The following ADAM22 variants were observed in gnomAD, a reference collection of about 807,000 sequenced individuals.
ADAM22 encodes disintegrin and metalloproteinase domain-containing protein 22.
ADAM22 carries 65 observed loss-of-function variants against 144.6 expected under a neutral mutation model. That is an observed-to-expected ratio of 0.45 (90% CI 0.37 to 0.55). The LOEUF (loss-of-function observed/expected upper bound fraction) is 0.55. Among genes scored for constraint, ADAM22 ranks in the 20% least tolerant of loss-of-function variants. The pLI, the probability that ADAM22 is intolerant of heterozygous loss-of-function variation, is 0.00. For missense variants in ADAM22, 974 were observed against 1,184.9 expected (o/e 0.82, Z 2.61); for synonymous variants, 391 against 412.6 (o/e 0.95, Z 0.63).
intron 4 of ADAM22, among the ~76,000 whole-genome samples, chr7:88,079,473 C>A (rs1815800999): frequency 6.6e-6 from 1 of 152,300 alleles, no homozygotes; most frequent in African/African-American, 2.4e-5. Flanking sequence ...ATCATAATGA[C>A]AGGATCAAAA....
chr7:88,171,110 A>G (rs1319805846), intron 25 of ADAM22, among the ~76,000 whole-genome samples: 3 of 151,894 alleles, frequency 2.0e-5, no homozygotes, highest in Non-Finnish European at 4.4e-5. Flanking sequence ...AGGAATAACT[A>G]TAGTTTGGGG....
intron 6 of ADAM22, among the ~76,000 whole-genome samples, chr7:88,114,975 A>T (rs1827382464): frequency 6.6e-6 from 1 of 152,178 alleles, no homozygotes. Context: ...ATTTCTTGCC[A>T]GGTGTGGTGG....
chr7:88,163,040 G>A lies in ADAM22; in HGVS notation c.1936G>A (p.Val646Ile). The change falls in exon 23 of 32, where the codon GTA becomes ATA. Residue 646 changes from valine to isoleucine, a missense_variant. Transcript: ENST00000413139. ...SGGHVKLEED[V>I]DLGYVEDGTP... ...TGGGCATGTTAAGCTTGAAGAAGAT[G>A]TAGATCTTGGCTATGTGGAAGATGG... 6.2e-7 allele frequency: 1 copy of A among 1,610,530 alleles called. No homozygotes were observed. Among genetic ancestry groups the A allele is most frequent in the Non-Finnish European group, 8.5e-7 (1 of 1,178,404 alleles).
chr7:88,200,578 ACTT>A lies in ADAM22; in HGVS notation c.*4088_*4090del, dbSNP rs1851121915. On this transcript the variant is annotated 3_prime_UTR_variant, in exon 32 of 32. Coordinates refer to ENST00000413139, the MANE Select transcript of ADAM22 (RefSeq NM_001324418.2). ...GACTGCCATTTGCAGCATCATATCTACTTTTTATGCACCTAATTATATTTTTCC... is the reference window on the plus strand; with the variant it reads ...GACTGCCATTTGCAGCATCATATCTATTTATGCACCTAATTATATTTTTCC... 1.3e-5 allele frequency: 2 copies of A among 152,308 alleles called. No individual in the cohort carries two copies. Among genetic ancestry groups the A allele is most frequent in the South Asian group, 4.1e-4 (2 of 4,832 alleles). 9.4% of individuals were successfully genotyped at this position (152,308 alleles called of 1,614,324 possible).
intron 3 of ADAM22, among the ~76,000 whole-genome samples, chr7:88,068,159 G>A (rs1811768020): frequency 6.6e-6 from 1 of 152,240 alleles, no homozygotes; most frequent in Admixed American, 6.5e-5. Context: ...AGGATCTGGA[G>A]GGTTGGTGCA....
chr7:88,170,618 C>T (rs555505159), intron 25 of ADAM22, among the ~76,000 whole-genome samples: 53 of 151,942 alleles, frequency 3.5e-4, no homozygotes, highest in African/African-American at 7.5e-4. Flanking sequence ...GCACCTTTGC[C>T]GTCATGTGCC....
rs142095226 is a variant in ADAM22, at chr7:88,187,880, C to T, written c.2750+1179C>T. Among the ~76,000 whole-genome samples, 436 of 152,084 alleles carry T rather than the reference C, an allele frequency of 2.9e-3. 1 individual carries two copies. The highest frequency in any genetic ancestry group is 0.01 in the African/African-American group (421 of 41,494). ...TGCATATACCCCAAGGAAAGCGTAA[C>T]TCCTGCCTGCTCACAAAAATATATC... On this transcript the variant is annotated intron_variant, in intron 30 of 31. Transcript: ENST00000413139.
intron 4 of ADAM22, among the ~76,000 whole-genome samples, chr7:88,106,074 A>G (rs546208315): frequency 2.0e-5 from 3 of 151,970 alleles, no homozygotes; most frequent in Admixed American, 6.6e-5. Context: ...CCAATAGCTC[A>G]CATTGTTAAC....
At chr7:88,112,191 C>T (rs765072472) in intron 5 of ADAM22, among the ~76,000 whole-genome samples, 1 of 152,196 alleles carries the variant, frequency 6.6e-6, no homozygotes, top group African/African-American at 2.4e-5. Flanking sequence ...CAAACTGCAT[C>T]TGTTTATGTT....
intron 23 of ADAM22, among the ~76,000 whole-genome samples, chr7:88,165,455 C>T (rs1275145064): frequency 1.3e-5 from 2 of 152,028 alleles, no homozygotes; most frequent in Non-Finnish European, 2.9e-5. Flanking sequence ...TGCATGAAGA[C>T]CCTTACTATG....
intron 3 of ADAM22, among the ~76,000 whole-genome samples, chr7:88,018,284 T>C (rs1796992413): frequency 6.6e-6 from 1 of 152,186 alleles, no homozygotes; most frequent in Non-Finnish European, 1.5e-5. Flanking sequence ...CCGTTCTCTT[T>C]GTTGTTTCAT....
Position 88,132,849 on chromosome 7 carries a change from C to A in ADAM22, c.993-18C>A. The A allele has an allele frequency of 6.2e-7, 1 of 1,609,646 alleles. No individual in the cohort carries two copies. The highest frequency in any genetic ancestry group is 1.1e-5 in the South Asian group (1 of 90,876). On this transcript the variant is annotated intron_variant, in intron 11 of 31. Transcript: ENST00000413139. ...TGAACTGTGAACAGTAAGCATTTTTCATTTCCTTTTCTAAAAGGGGAAGTC... is the reference window on the plus strand; with the variant it reads ...TGAACTGTGAACAGTAAGCATTTTTAATTTCCTTTTCTAAAAGGGGAAGTC...
At position 88,202,755 on chromosome 7, in the gene ADAM22, A is replaced by G. The variant is rs1851286936; in HGVS notation, c.*6264A>G. 1.3e-5 allele frequency: 2 copies of G among 152,246 alleles called. No individual in the cohort carries two copies. The highest frequency in any genetic ancestry group is 2.9e-5 in the Non-Finnish European group (2 of 68,042). 9.4% of individuals were successfully genotyped at this position (152,246 alleles called of 1,614,324 possible). A position where few individuals can be genotyped will look rare whatever the true frequency, so the allele number is the denominator to read the frequency against. ...TCTTGATGTTTTTAAAGGTCACTGTAACTTAAGGTTCAAATTTCTGGCACA... is the reference window on the plus strand; with the variant it reads ...TCTTGATGTTTTTAAAGGTCACTGTGACTTAAGGTTCAAATTTCTGGCACA... On this transcript the variant is annotated 3_prime_UTR_variant, in exon 32 of 32. Coordinates refer to ENST00000413139, the MANE Select transcript of ADAM22 (RefSeq NM_001324418.2).
intron 26 of ADAM22, among the ~76,000 whole-genome samples, chr7:88,176,946 G>A (rs968835616): frequency 1.3e-5 from 2 of 151,928 alleles, no homozygotes; most frequent in African/African-American, 4.8e-5. Flanking sequence ...TGTATTTATT[G>A]TAGAGATGGA....
At chr7:87,952,401 A>T (rs1023949427) in intron 2 of ADAM22, among the ~76,000 whole-genome samples, 1 of 152,160 alleles carries the variant, frequency 6.6e-6, no homozygotes, top group African/African-American at 2.4e-5. Context: ...TGAGATAATC[A>T]TATGGTTTTT....
chr7:87,962,128 A>C (rs1848130710), intron 2 of ADAM22, among the ~76,000 whole-genome samples: 4 of 152,228 alleles, frequency 2.6e-5, no homozygotes, highest in Admixed American at 2.6e-4. Flanking sequence ...AGTGTAATGC[A>C]TATACTGTTG....
intron 23 of ADAM22, among the ~76,000 whole-genome samples, chr7:88,165,102 T>C (rs1054481019): frequency 1.3e-5 from 2 of 152,112 alleles, no homozygotes; most frequent in Non-Finnish European, 2.9e-5. Flanking sequence ...ACTTTGCTCA[T>C]CTTCAACCTA....
intron 3 of ADAM22, among the ~76,000 whole-genome samples, chr7:87,995,021 G>A (rs759444417): frequency 9.9e-5 from 15 of 151,782 alleles, no homozygotes; most frequent in Non-Finnish European, 1.5e-4. Context: ...TAGTAGAGAC[G>A]GGGTTTCACC....
At position 88,130,469 on chromosome 7, in the gene ADAM22, A is replaced by G; in HGVS notation, c.825+10A>G. 1 of 1,609,074 alleles carries G rather than the reference A, an allele frequency of 6.2e-7. No homozygotes were observed. The highest frequency in any genetic ancestry group is 1.3e-5 in the African/African-American group (1 of 74,872). On this transcript the variant is annotated intron_variant, in intron 10 of 31. Transcript: ENST00000413139. Reference sequence around the variant, plus strand: ...GAACATGGCAGATTTAGTAAGTATCAACCCCGTTCATTATTGCCCTAGAAG... The same window carrying G: ...GAACATGGCAGATTTAGTAAGTATCGACCCCGTTCATTATTGCCCTAGAAG...
Sources: allele counts gnomAD v4.1 joint callset (sites outside exome capture counted in the v4.1 genomes callset), GRCh38; gene constraint gnomAD v4.1.1; transcripts MANE v1.5; gene names NCBI Gene and HGNC (gene_info 2026-07-23, HGNC 2026-07-21).